Variants in BET1 observed in about 807,000 individuals in gnomAD.
The protein encoded by BET1 is BET1 homolog.
A neutral mutation model predicts 13.9 loss-of-function variants in BET1; 9 were observed. The ratio of observed to expected loss-of-function variants is 0.65; its 90% CI spans 0.39 to 1.13. BET1 has a LOEUF of 1.13. BET1 is among the 50% of genes most tolerant of loss of function. BET1 has a pLI of 0.01. For synonymous variants in BET1, 39 were observed against 47.3 expected (o/e 0.82, Z 0.72); for missense variants, 127 against 133.6 (o/e 0.95, Z 0.24).
At position 93,993,547 on chromosome 7, in the gene BET1, CCAAGT is replaced by C. The variant is rs1293369188; in HGVS notation, c.*678_*682del. The C allele has an allele frequency of 3.0e-5, 31 of 1,023,122 alleles. No individual in the cohort carries two copies. The South Asian group carries it at 7.4e-4, about 24-fold the overall frequency. 63.4% of individuals were successfully genotyped at this position (1,023,122 alleles called of 1,614,324 possible). A position where few individuals can be genotyped will look rare whatever the true frequency, so the allele number is the denominator to read the frequency against. ...GTAAAAATCATAAAACTATTATAAG[CCAAGT>C]CAAGAGAATTCATAAAGTTAATATG... On this transcript the variant is annotated 3_prime_UTR_variant, in exon 4 of 4. Transcript: ENST00000222547.
At chr7:93,985,995 T>C (rs914499056) in intron 4 of BET1, among the ~76,000 whole-genome samples, 1 of 152,170 alleles carries the variant, frequency 6.6e-6, no homozygotes, top group South Asian at 2.1e-4. Context: ...TTTATCTTTT[T>C]TCCTGCTCCC....
chr7:93,997,131 A>G (rs1795788872), intron 2 of BET1, among the ~76,000 whole-genome samples: 1 of 152,168 alleles, frequency 6.6e-6, no homozygotes, highest in African/African-American at 2.4e-5. Flanking sequence ...CTAATACTTT[A>G]TAGGACAGAT....
intron 4 of BET1, among the ~76,000 whole-genome samples, chr7:93,984,744 C>T (rs889033253): frequency 3.3e-5 from 5 of 151,788 alleles, no homozygotes; most frequent in African/African-American, 7.3e-5. Flanking sequence ...TAAAGCATTG[C>T]GTGATTTAAA....
chr7:93,979,866 A>C (rs1490689112), intron 4 of BET1, among the ~76,000 whole-genome samples: 3 of 152,034 alleles, frequency 2.0e-5, no homozygotes, highest in Non-Finnish European at 4.4e-5. Context: ...GGAGCCACTG[A>C]GAAAGAACAA....
chr7:93,998,237 A>C (rs1172215205), intron 2 of BET1, among the ~76,000 whole-genome samples: 1 of 152,232 alleles, frequency 6.6e-6, no homozygotes, highest in Non-Finnish European at 1.5e-5. Context: ...ACGAAGCATG[A>C]ACTTTATTAA....
At chr7:93,963,281 T>A (rs372673174) in exon 7 of BET1, 60 of 152,104 alleles carry the variant, frequency 3.9e-4, no homozygotes, top group African/African-American at 1.4e-3. Context: ...AACCATGAGC[T>A]GGTTAAACCT....
chr7:93,988,229 T>C (rs746823647), intron 4 of BET1, among the ~76,000 whole-genome samples: 4 of 152,236 alleles, frequency 2.6e-5, no homozygotes, highest in Non-Finnish European at 5.9e-5. Flanking sequence ...AGGTCCTTTA[T>C]GTTGATACAC....
downstream of BET1, chr7:93,992,281 C>T (rs1355838812): frequency 1.0e-6 from 1 of 985,152 alleles, no homozygotes; most frequent in East Asian, 1.1e-4. Context: ...AAATCTCTAT[C>T]TGCTTGATGA....
At position 93,994,268 on chromosome 7, in the gene BET1, CAAAT is replaced by C. The variant is rs765527889; in HGVS notation, c.315_318del (p.Phe106SerfsTer11). The C allele has an allele frequency of 3.1e-6, 5 of 1,608,528 alleles. No homozygotes were observed. Among genetic ancestry groups the C allele is most frequent in the South Asian group, 2.2e-5 (2 of 89,292 alleles). On this transcript the variant is annotated frameshift_variant, in exon 4 of 4. Transcript: ENST00000222547. LOFTEE classifies it high-confidence loss of function. ...ATAATCCAATAAATGATAAAAAAGA[CAAAT>C]AAAGAAAACAGCATCATATAGCACA... is the stretch of plus-strand genomic sequence containing the variant.
In BET1 at chr7:93,993,786, G is replaced by A. The variant is rs1562806232; in HGVS notation, c.*444C>T. ...GAGAAGGGAGTATATCATTACAGTT[G>A]ATGCAGTTAGGAAAATTCAATTACC... On this transcript the variant is annotated 3_prime_UTR_variant, in exon 4 of 4. Transcript: ENST00000222547. 2.0e-6 allele frequency: 3 copies of A among 1,512,360 alleles called. No individual in the cohort carries two copies. Among genetic ancestry groups the A allele is most frequent in the Non-Finnish European group, 1.8e-6 (2 of 1,137,698 alleles). The allele number at this position is 1,512,360 out of a possible 1,614,324, so 93.7% of individuals were successfully genotyped here.
downstream of BET1, among the ~76,000 whole-genome samples, chr7:93,989,033 T>C (rs1181598575): frequency 6.6e-6 from 1 of 150,524 alleles, no homozygotes; most frequent in Non-Finnish European, 1.5e-5. Context: ...TTTGTTTTTT[T>C]GAGACGGAGT....
chr7:93,979,492 G>A (rs1458197937), intron 4 of BET1, among the ~76,000 whole-genome samples: 1 of 152,034 alleles, frequency 6.6e-6, no homozygotes, highest in East Asian at 1.9e-4. Context: ...ACTGCAAGAT[G>A]GGAATGGTAG....
At position 93,994,179 on chromosome 7, in the gene BET1, G is replaced by A. The variant is rs771412108; in HGVS notation, c.*51C>T. 31 of 1,553,610 alleles carry A rather than the reference G, an allele frequency of 2.0e-5. No homozygotes were observed. Among genetic ancestry groups the A allele is most frequent in the Non-Finnish European group, 2.6e-5 (30 of 1,151,284 alleles). ...TTTGATGCTGATTTTTATCAAAGTG[G>A]TACTGCAAGCCATTAAGTTGGAACA... On this transcript the variant is annotated 3_prime_UTR_variant, in exon 4 of 4. Transcript: ENST00000222547.
rs373477980 is a variant in BET1 at position 93,999,348 on chromosome 7, TGTTA to T, written c.20-58_20-55del. The T allele has an allele frequency of 2.2e-4, 347 of 1,552,842 alleles. No individual in the cohort carries two copies. The African/African-American group carries it at 4.2e-3, about 19-fold the overall frequency. ...TCTAGAGAAGCCACTTTTGAAACAC[TGTTA>T]GTTAGGAAAGAACTGAAAAAGACCC... On this transcript the variant is annotated intron_variant, in intron 1 of 3. Coordinates refer to ENST00000222547, the MANE Select transcript of BET1 (RefSeq NM_005868.6).
At chr7:94,004,123 A>G in intron 1 of BET1, 75 bp downstream of exon 1, 1 of 1,602,276 alleles carries the variant, frequency 6.2e-7, no homozygotes, top group Non-Finnish European at 8.6e-7. Flanking sequence ...AACATAAGAC[A>G]GGTTCGATTT....
At chr7:93,989,022 GT>G (rs1795579483), downstream of BET1, among the ~76,000 whole-genome samples, 1 of 149,588 alleles carries the variant, frequency 6.7e-6, no homozygotes, top group Admixed American at 6.7e-5. Flanking sequence ...TGTTGTTGTT[GT>G]TTGTTTTTTT....
Position 93,999,245 on chromosome 7 carries a change from A to G in BET1, c.69T>C (p.Ser23=). The G allele has an allele frequency of 6.2e-7, 1 of 1,613,416 alleles. No individual in the cohort carries two copies. Among genetic ancestry groups the G allele is most frequent in the Non-Finnish European group, 8.5e-7 (1 of 1,179,598 alleles). Residue 23 remains serine, a synonymous_variant, in exon 2 of 4, where the codon AGT becomes AGC. Transcript: ENST00000222547. ...TTTCTTCTTCACAGGCACTATACCC[A>G]CTATTAGCATAGCCATAGTTCCCAT... is the stretch of plus-strand genomic sequence containing the variant. ...GNYGNYGYAN[S]GYSACEEENE...
chr7:94,003,394 T>C (rs1046544833), intron 1 of BET1, among the ~76,000 whole-genome samples: 1 of 152,132 alleles, frequency 6.6e-6, no homozygotes, highest in African/African-American at 2.4e-5. Flanking sequence ...AAAGGTAATA[T>C]CTTTTTTCAA....
At chr7:93,991,581 T>A (rs1795635469), downstream of BET1, 1 of 158,652 alleles carries the variant, frequency 6.3e-6, no homozygotes, top group African/African-American at 2.4e-5. Flanking sequence ...TTAAATATTT[T>A]ATTTAATTAT....
Sources: gnomAD v4.1 joint callset for allele counts (sites outside exome capture counted in the v4.1 genomes callset) on GRCh38, gnomAD v4.1.1 for gene constraint, MANE v1.5 for transcripts, NCBI Gene and HGNC (gene_info 2026-07-23, HGNC 2026-07-21) for gene names.